SHE: variants seen among roughly 807,000 people sequenced by gnomAD.
SHE encodes the protein SH2 domain-containing adapter protein E.
A neutral mutation model predicts 49.8 loss-of-function variants in SHE; 11 were observed. The ratio of observed to expected loss-of-function variants is 0.22; its 90% CI spans 0.14 to 0.37. The LOEUF is 0.37. SHE is among the 10% of genes least tolerant of loss of function. The pLI, the probability that SHE is intolerant of heterozygous loss-of-function variation, is 1.00. For missense variants in SHE, 624 were observed against 655.5 expected (o/e 0.95, Z 0.52); for synonymous variants, 310 against 278.1 (o/e 1.11, Z -1.14).
rs1221047456 is a variant in SHE, at chr1:154,483,993, G to A, written c.*156C>T. 26 of 1,422,800 alleles carry A rather than the reference G, an allele frequency of 1.8e-5. No individual in the cohort carries two copies. The highest frequency in any genetic ancestry group is 6.2e-5 in the South Asian group (4 of 64,082). 88.1% of individuals were successfully genotyped at this position (1,422,800 alleles called of 1,614,324 possible). ...AGCCTGGGCAACACAGCGAGACTTC[G>A]TCTCAAACAAAACAAAACAAATCAC... On this transcript the variant is annotated 3_prime_UTR_variant, in exon 6 of 6. Coordinates refer to ENST00000304760, the MANE Select transcript of SHE (RefSeq NM_001010846.3).
intron 2 of SHE, among the ~76,000 whole-genome samples, chr1:154,496,160 A>C (rs1254022626): frequency 6.6e-6 from 1 of 152,246 alleles, no homozygotes; most frequent in Non-Finnish European, 1.5e-5. Flanking sequence ...TAAGAGGTAG[A>C]GTCTCTACAC....
At chr1:154,496,061 A>C (rs1331156067) in intron 2 of SHE, among the ~76,000 whole-genome samples, 1 of 152,222 alleles carries the variant, frequency 6.6e-6, no homozygotes, top group Non-Finnish European at 1.5e-5. Context: ...AAAAACAAAA[A>C]ACAAAAGCCC....
chr1:154,470,511 C>T, intron 1 of SHE: 1 of 786,994 alleles, frequency 1.3e-6, no homozygotes, highest in Non-Finnish European at 1.8e-6. Context: ...TGCCATCCTC[C>T]ATCCTCCAGT....
downstream of SHE, among the ~76,000 whole-genome samples, chr1:154,478,325 C>T (rs1456650954): frequency 6.6e-6 from 1 of 151,900 alleles, no homozygotes; most frequent in Non-Finnish European, 1.5e-5. Context: ...GCGAGCAGCC[C>T]CGTGGGCCAT....
chr1:154,491,604 A>T (rs933853076), intron 2 of SHE, among the ~76,000 whole-genome samples: 1 of 152,154 alleles, frequency 6.6e-6, no homozygotes, highest in Non-Finnish European at 1.5e-5. Context: ...TGTATTTTCA[A>T]TTTGGTGGAG....
intron 1 of SHE, among the ~76,000 whole-genome samples, chr1:154,472,247 A>G (rs1691764986): frequency 1.3e-5 from 2 of 152,248 alleles, no homozygotes; most frequent in South Asian, 4.1e-4. Context: ...AGAGTCTGTT[A>G]CCAGAGATAG....
rs116610846 is a variant in SHE, at chr1:154,480,200, T to C, written c.*3949A>G. ...CAAACTAGTGCTAGTTATGGAAAAA[T>C]AGGAGACAACTAGTGAACGAGAGAT... On this transcript the variant is annotated 3_prime_UTR_variant, in exon 6 of 6. Transcript: ENST00000304760. 7 of 985,328 alleles carry C rather than the reference T, an allele frequency of 7.1e-6. No individual in the cohort carries two copies. Among genetic ancestry groups the C allele is most frequent in the Admixed American group, 6.2e-5 (1 of 16,260 alleles). 61.0% of individuals were successfully genotyped at this position (985,328 alleles called of 1,614,324 possible). A position where few individuals can be genotyped will look rare whatever the true frequency, so the allele number is the denominator to read the frequency against.
intron 2 of SHE, among the ~76,000 whole-genome samples, chr1:154,491,382 T>G (rs921097516): frequency 4.2e-4 from 64 of 152,184 alleles, no homozygotes; most frequent in African/African-American, 1.4e-3. Flanking sequence ...TTTCTGGCAG[T>G]TCCCTGCATA....
At position 154,479,600 on chromosome 1, in the gene SHE, A is replaced by G; in HGVS notation, c.*4549T>C. 1 of 971,152 alleles carries G rather than the reference A, an allele frequency of 1.0e-6. No individual in the cohort carries two copies. The highest frequency in any genetic ancestry group is 4.8e-5 in the South Asian group (1 of 20,970). The allele number at this position is 971,152 out of a possible 1,614,324, so 60.2% of individuals were successfully genotyped here. A position where few individuals can be genotyped will look rare whatever the true frequency, so the allele number is the denominator to read the frequency against. On this transcript the variant is annotated 3_prime_UTR_variant, in exon 6 of 6. Transcript: ENST00000304760. ...AAGTTTTATAAAATATTTCTGATTT[A>G]AATTACTAAGGCACTATAGATAGAC...
chr1:154,498,694 C>T lies in SHE; in HGVS notation c.718+418G>A, dbSNP rs528600957. On this transcript the variant is annotated intron_variant, in intron 2 of 5. Coordinates refer to ENST00000304760, the MANE Select transcript of SHE (RefSeq NM_001010846.3). ...TATAGGCACGAGCCACTGCACCTGGCCATCCTTGCATTTTTTAATAGATTA... is the reference window on the plus strand; with the variant it reads ...TATAGGCACGAGCCACTGCACCTGGTCATCCTTGCATTTTTTAATAGATTA... 5.3e-5 allele frequency among the ~76,000 whole-genome samples: 8 copies of T among 152,306 alleles called. No homozygotes were observed. The East Asian group carries it at 1.5e-3, about 29-fold the overall frequency.
intron 1 of SHE, 139 bp downstream of exon 1, chr1:154,501,297 A>G: frequency 2.6e-6 from 2 of 782,004 alleles, no homozygotes; most frequent in South Asian, 3.6e-5. Context: ...ATGGTCAGGA[A>G]TTCCCAAATG....
rs536403480 is a variant in SHE at position 154,498,939 on chromosome 1, G to A, written c.718+173C>T. 3.3e-5 allele frequency among the ~76,000 whole-genome samples: 5 copies of A among 152,134 alleles called. No individual in the cohort carries two copies. The East Asian group carries it at 9.6e-4, about 29-fold the overall frequency. On this transcript the variant is annotated intron_variant, in intron 2 of 5. Coordinates refer to ENST00000304760, the MANE Select transcript of SHE (RefSeq NM_001010846.3). ...CTCTGAAGGATACTAAATCATACAG[G>A]AAGTTACCTAAATAGTCCGACATTA...
chr1:154,493,466 C>G (rs1692429804), intron 2 of SHE, among the ~76,000 whole-genome samples: 2 of 152,180 alleles, frequency 1.3e-5, no homozygotes, highest in Admixed American at 6.5e-5. Flanking sequence ...GGAAGCTACA[C>G]CCTGGCTGCC....
In SHE at chr1:154,481,800, C is replaced by T; in HGVS notation, c.*2349G>A. 3 of 975,412 alleles carry T rather than the reference C, an allele frequency of 3.1e-6. No homozygotes were observed. Among genetic ancestry groups the T allele is most frequent in the Non-Finnish European group, 3.7e-6 (3 of 820,918 alleles). 60.4% of individuals were successfully genotyped at this position (975,412 alleles called of 1,614,324 possible). ...TAAAGATATAGTAAATGAACCAATA[C>T]ACACTGAAAACATTCTATCAGTATC... On this transcript the variant is annotated 3_prime_UTR_variant, in exon 6 of 6. Coordinates refer to ENST00000304760, the MANE Select transcript of SHE (RefSeq NM_001010846.3).
chr1:154,494,773 C>T (rs560247701), intron 2 of SHE, among the ~76,000 whole-genome samples: 16 of 152,280 alleles, frequency 1.1e-4, no homozygotes, highest in Admixed American at 2.0e-4. Flanking sequence ...CCCGCTTGCA[C>T]GGTGGCTCAC....
Position 154,480,822 on chromosome 1 carries a change from T to C in SHE, c.*3327A>G. ...TGCAGGCCATCCTGAGATACAACTA[T>C]GGTATCAAAGTAAATAGCAAGGTCC... On this transcript the variant is annotated 3_prime_UTR_variant, in exon 6 of 6. Coordinates refer to ENST00000304760, the MANE Select transcript of SHE (RefSeq NM_001010846.3). 1 of 985,412 alleles carries C rather than the reference T, an allele frequency of 1.0e-6. No individual in the cohort carries two copies. Among genetic ancestry groups the C allele is most frequent in the African/African-American group, 1.7e-5 (1 of 57,336 alleles). The allele number at this position is 985,412 out of a possible 1,614,324, so 61.0% of individuals were successfully genotyped here.
At chr1:154,472,566 G>C (rs1691770822) in intron 1 of SHE, among the ~76,000 whole-genome samples, 1 of 152,220 alleles carries the variant, frequency 6.6e-6, no homozygotes, top group African/African-American at 2.4e-5. Context: ...GTGGGCTTCA[G>C]TGGATCCCTT....
intron 1 of SHE, among the ~76,000 whole-genome samples, chr1:154,473,513 A>T (rs1040407793): frequency 2.0e-5 from 3 of 151,746 alleles, no homozygotes; most frequent in Non-Finnish European, 4.4e-5. Context: ...AAGAAAAAAA[A>T]GAATGGCAGC....
intron 2 of SHE, among the ~76,000 whole-genome samples, chr1:154,494,374 GT>G (rs779645667): frequency 0.026 from 3,069 of 118,730 alleles, 97 homozygotes; most frequent in African/African-American, 0.086. Context: ...AGACATAACA[GT>G]TTTTTTTTTT....
Sources: allele counts gnomAD v4.1 joint callset (sites outside exome capture counted in the v4.1 genomes callset), GRCh38; gene constraint gnomAD v4.1.1; transcripts MANE v1.5; gene names NCBI Gene and HGNC (gene_info 2026-07-23, HGNC 2026-07-21).